The following PATJ variants were observed in gnomAD, a reference collection of about 807,000 sequenced individuals.
PATJ encodes PATJ crumbs cell polarity complex component, also known as inaD-like protein.
In PATJ, 190 loss-of-function variants were observed where a neutral mutation model predicts 224.9. That is an observed-to-expected ratio of 0.84 (90% CI 0.75 to 0.95). PATJ has a LOEUF of 0.95. Among genes scored for constraint, PATJ ranks in the 40% least tolerant of loss-of-function variants. The pLI is 0.00. For missense variants in PATJ, 2,121 were observed against 2,270.3 expected, an observed-to-expected ratio of 0.93 and a Z score of 1.34; for synonymous variants, 769 against 820.3, an observed-to-expected ratio of 0.94 and a Z score of 1.07.
intron 33 of PATJ, among the ~76,000 whole-genome samples, chr1:62,099,573 G>T (rs548664625): frequency 1.4e-4 from 21 of 151,828 alleles, no homozygotes; most frequent in Middle Eastern, 3.4e-3. Context: ...ACTTTTATGA[G>T]TATGGCAAAG....
At chr1:61,982,492 A>G (rs1247265019) in intron 27 of PATJ, among the ~76,000 whole-genome samples, 1 of 152,010 alleles carries the variant, frequency 6.6e-6, no homozygotes, top group East Asian at 1.9e-4. Context: ...TTCATCTGCA[A>G]ATGGAGGCAT....
intron 17 of PATJ, among the ~76,000 whole-genome samples, chr1:61,839,341 T>C (rs942724353): frequency 6.6e-6 from 1 of 152,150 alleles, no homozygotes; most frequent in Admixed American, 6.6e-5. Context: ...TATGAAAGTT[T>C]AGCAGGTATT....
chr1:61,801,050 G>A (rs184966347), intron 11 of PATJ, among the ~76,000 whole-genome samples: 173 of 152,272 alleles, frequency 1.1e-3, no homozygotes, highest in Non-Finnish European at 2.1e-3. Flanking sequence ...ACATGTGCAT[G>A]TGTCTTTACA....
At chr1:61,902,121 TGA>T (rs1671252884) in intron 24 of PATJ, among the ~76,000 whole-genome samples, 1 of 151,658 alleles carries the variant, frequency 6.6e-6, no homozygotes. Context: ...CTCAGGAGGC[TGA>T]GACAGGAGAA....
chr1:61,782,355 C>T (rs1647518796), intron 7 of PATJ, among the ~76,000 whole-genome samples: 1 of 152,154 alleles, frequency 6.6e-6, no homozygotes, highest in Non-Finnish European at 1.5e-5. Context: ...TTATAACCCA[C>T]TGGGAGAGAA....
intron 42 of PATJ, among the ~76,000 whole-genome samples, chr1:62,151,225 C>G (rs997217399): frequency 6.6e-6 from 1 of 152,162 alleles, no homozygotes; most frequent in African/African-American, 2.4e-5. Context: ...TGGATGTCTG[C>G]TGTAAACAAA....
Position 61,797,351 on chromosome 1 carries a change from G to T in PATJ, c.1325G>T (p.Gly442Val). The T allele has an allele frequency of 1.9e-6, 3 of 1,613,932 alleles. No homozygotes were observed. The highest frequency in any genetic ancestry group is 1.7e-5 in the Admixed American group (1 of 60,008). Reference protein sequence around the residue: ...HDVVEVLRNAGQVVHLTLVRR... With the variant: ...HDVVEVLRNAVQVVHLTLVRR... ...GTTGTTGAAGTATTACGAAATGCAG[G>T]GCAGGTGGTACACCTAACCCTAGTT... Residue 442 changes from glycine to valine, a missense_variant, in exon 11 of 44, where the codon GGG becomes GTG. Physicochemically the swap from Gly to Val is moderately radical, Grantham distance 109. Transcript: ENST00000642238.
intron 15 of PATJ, among the ~76,000 whole-genome samples, chr1:61,825,052 G>A (rs947747887): frequency 5.3e-5 from 8 of 152,328 alleles, no homozygotes; most frequent in African/African-American, 1.9e-4. Context: ...AGGTTAGCAT[G>A]TGTCCCTTGG....
intron 29 of PATJ, among the ~76,000 whole-genome samples, chr1:62,022,728 C>T (rs1647158698): frequency 6.6e-6 from 1 of 152,146 alleles, no homozygotes; most frequent in African/African-American, 2.4e-5. Flanking sequence ...GTAAAAACTC[C>T]TGGGGCTAAA....
In PATJ at chr1:61,808,461, T is replaced by G. The variant is rs768299724; in HGVS notation, c.1627-13T>G. On this transcript the variant is annotated splice_polypyrimidine_tract_variant and intron_variant, in intron 13 of 43. Transcript: ENST00000642238. ...GCTTTTACAAATACTGGAAATTTTTTTTGTAAATTTAGGTTGCTACTTTGG... is the reference window on the plus strand; with the variant it reads ...GCTTTTACAAATACTGGAAATTTTTGTTGTAAATTTAGGTTGCTACTTTGG... 2 of 1,574,276 alleles carry G rather than the reference T, an allele frequency of 1.3e-6. No individual in the cohort carries two copies. Among genetic ancestry groups the G allele is most frequent in the South Asian group, 2.2e-5 (2 of 89,374 alleles).
chr1:62,107,123 G>A (rs1052777069), intron 33 of PATJ, among the ~76,000 whole-genome samples: 4 of 151,936 alleles, frequency 2.6e-5, no homozygotes, highest in African/African-American at 7.3e-5. Flanking sequence ...TGGCTAACAC[G>A]GTGAAACCCC....
rs527315616 is a variant in PATJ, at chr1:61,809,346, C to T, written c.1683+816C>T. ...CATGGGATATAAGTGCTGAGCCTAC[C>T]TTAAACTCTTCTGTCACATGCAGTT... On this transcript the variant is annotated intron_variant, in intron 14 of 43. Coordinates refer to ENST00000642238, the MANE Select transcript of PATJ (RefSeq NM_001350145.3). Among the ~76,000 whole-genome samples, 9 of 151,660 alleles carry T rather than the reference C, an allele frequency of 5.9e-5. No individual in the cohort carries two copies. The East Asian group carries it at 1.4e-3, about 23-fold the overall frequency.
At chr1:61,749,560 G>A (rs367884861) in intron 1 of PATJ, among the ~76,000 whole-genome samples, 49 of 152,216 alleles carry the variant, frequency 3.2e-4, no homozygotes, top group Middle Eastern at 3.4e-3. Context: ...CTAAATTCTC[G>A]TCAACAGGAG....
Position 61,783,147 on chromosome 1 carries a change from AT to A in PATJ, c.850-4603del, listed in dbSNP as rs527271835. Among the ~76,000 whole-genome samples the A allele has an allele frequency of 6.6e-3, 1,007 of 152,292 alleles. 13 individuals are homozygous for A. The highest frequency in any genetic ancestry group is 0.023 in the African/African-American group (937 of 41,558). The stretch of plus-strand genomic sequence containing the variant: ...CTAAATGGTTGGTTAGTCCCAAGCA[AT>A]TTTGCTTTGAGTGATTATATAAACA... On this transcript the variant is annotated intron_variant, in intron 7 of 43. Coordinates refer to ENST00000642238, the MANE Select transcript of PATJ (RefSeq NM_001350145.3).
At chr1:62,145,727 G>A (rs1476688864) in intron 41 of PATJ, among the ~76,000 whole-genome samples, 7 of 151,926 alleles carry the variant, frequency 4.6e-5, no homozygotes, top group Admixed American at 4.6e-4. Flanking sequence ...AGGCCAAGGC[G>A]GGCAGATCAC....
At chr1:61,963,600 G>GA (rs1372320520) in intron 27 of PATJ, among the ~76,000 whole-genome samples, 2 of 151,072 alleles carry the variant, frequency 1.3e-5, no homozygotes, top group Non-Finnish European at 3.0e-5. Flanking sequence ...TGTCTCAAAA[G>GA]AAAAAAAAGT....
At chr1:61,973,558 G>C (rs939440555) in intron 27 of PATJ, among the ~76,000 whole-genome samples, 2 of 151,836 alleles carry the variant, frequency 1.3e-5, no homozygotes, top group African/African-American at 4.9e-5. Flanking sequence ...TATTAATGTT[G>C]TCAGTGCCAC....
At chr1:61,863,441 A>C (rs1664944665) in intron 19 of PATJ, among the ~76,000 whole-genome samples, 1 of 152,232 alleles carries the variant, frequency 6.6e-6, no homozygotes, top group Non-Finnish European at 1.5e-5. Context: ...GGTAGTAAAG[A>C]ATAAGACTTA....
chr1:62,153,998 G>A (rs958408329), intron 43 of PATJ, among the ~76,000 whole-genome samples: 5 of 151,976 alleles, frequency 3.3e-5, no homozygotes, highest in Non-Finnish European at 7.4e-5. Flanking sequence ...CTGCCTCCCC[G>A]GGTTCAAGCA....
Sources: allele counts gnomAD v4.1 joint callset (sites outside exome capture counted in the v4.1 genomes callset), GRCh38; gene constraint gnomAD v4.1.1; transcripts MANE v1.5; gene names NCBI Gene and HGNC (gene_info 2026-07-23, HGNC 2026-07-21).